NBAS: variants seen among roughly 807,000 people sequenced by gnomAD.
The protein encoded by NBAS is NAG/BC035112 fusion.
In NBAS, 219 loss-of-function variants were observed where a neutral mutation model predicts 302.5. The observed-to-expected ratio is 0.72, with a 90% CI of 0.65 to 0.81. The LOEUF (loss-of-function observed/expected upper bound fraction) is 0.81. Ranked by LOEUF, NBAS falls within the 30% of genes least tolerant of loss-of-function variation. The pLI, the probability that NBAS is intolerant of heterozygous loss-of-function variation, is 0.00. For synonymous variants in NBAS, 1,118 were observed against 1,021.6 expected (o/e 1.09, Z -1.80); for missense variants, 2,932 against 2,841.6 (o/e 1.03, Z -0.72).
the NBAS span, among the ~76,000 whole-genome samples, chr2:15,132,741 T>C: frequency 1.3e-5 from 2 of 151,802 alleles, no homozygotes; most frequent in East Asian, 3.9e-4. Flanking sequence ...CTAAAACTGC[T>C]CTAAAAAAAA....
At chr2:14,849,843 G>A in the NBAS span, among the ~76,000 whole-genome samples, 1 of 137,784 alleles carries the variant, frequency 7.3e-6, no homozygotes, top group South Asian at 2.2e-4. Flanking sequence ...CTTCATAAGT[G>A]AAGGAGAAAT....
At chr2:14,794,403 G>A in the NBAS span, among the ~76,000 whole-genome samples, 1 of 151,984 alleles carries the variant, frequency 6.6e-6, no homozygotes, top group East Asian at 1.9e-4. Flanking sequence ...TTTACTTAAT[G>A]ACCAGTGCAA....
chr2:14,854,344 A>C, the NBAS span, among the ~76,000 whole-genome samples: 1 of 151,956 alleles, frequency 6.6e-6, no homozygotes, highest in African/African-American at 2.4e-5. Flanking sequence ...AAAATAAATG[A>C]ATTTGGAGAG....
At chr2:15,167,379 C>T (rs2125094983) in intron 51 of NBAS, 56 bp from the exon 52 acceptor site, 1 of 1,595,194 alleles carries the variant, frequency 6.3e-7, no homozygotes, top group South Asian at 1.1e-5. Context: ...TTCGCCTCCC[C>T]CTTGGATCCC....
At chr2:15,048,159 C>T in the NBAS span, among the ~76,000 whole-genome samples, 1 of 152,214 alleles carries the variant, frequency 6.6e-6, no homozygotes, top group Non-Finnish European at 1.5e-5. Context: ...AAGAGCAGCC[C>T]TAGAGGCAGG....
chr2:15,085,350 C>G, the NBAS span, among the ~76,000 whole-genome samples: 1 of 152,074 alleles, frequency 6.6e-6, no homozygotes, highest in Admixed American at 6.5e-5. Flanking sequence ...ACAGGGCCAC[C>G]TGGGGCTGCG....
the NBAS span, among the ~76,000 whole-genome samples, chr2:15,091,729 C>T: frequency 6.6e-5 from 10 of 152,126 alleles, no homozygotes; most frequent in African/African-American, 9.6e-5. Flanking sequence ...GATGGGGCTT[C>T]GCCATATTGG....
the NBAS span, among the ~76,000 whole-genome samples, chr2:15,036,336 G>C: frequency 6.6e-6 from 1 of 152,156 alleles, no homozygotes; most frequent in Non-Finnish European, 1.5e-5. Context: ...GTGCTAGAAG[G>C]TGTACTAGAC....
the NBAS span, among the ~76,000 whole-genome samples, chr2:14,888,305 A>G: frequency 6.6e-6 from 1 of 151,932 alleles, no homozygotes; most frequent in East Asian, 1.9e-4. Context: ...TAATTTTTGT[A>G]TTTTTAGTAG....
chr2:14,902,535 AG>A, the NBAS span, among the ~76,000 whole-genome samples: 1 of 152,238 alleles, frequency 6.6e-6, no homozygotes, highest in Non-Finnish European at 1.5e-5. Context: ...CTGTATATGT[AG>A]ACCCATGTGT....
intron 50 of NBAS, among the ~76,000 whole-genome samples, chr2:15,185,878 A>ATATT (rs990993945): frequency 2.0e-5 from 3 of 152,196 alleles, no homozygotes; most frequent in African/African-American, 7.2e-5. Context: ...TTAAAGGATC[A>ATATT]TATTTACAAA....
the NBAS span, among the ~76,000 whole-genome samples, chr2:15,144,067 A>AT: frequency 2.6e-5 from 3 of 115,814 alleles, no homozygotes; most frequent in African/African-American, 1.0e-4. Flanking sequence ...ATATATATAT[A>AT]TCTCCCATTA....
the NBAS span, among the ~76,000 whole-genome samples, chr2:14,897,188 T>C: frequency 1.3e-5 from 2 of 152,192 alleles, no homozygotes; most frequent in Non-Finnish European, 2.9e-5. Flanking sequence ...GGTCTCCTGA[T>C]TCCTGCTTCA....
the NBAS span, among the ~76,000 whole-genome samples, chr2:14,804,430 T>G: frequency 1.3e-5 from 2 of 152,208 alleles, no homozygotes; most frequent in African/African-American, 4.8e-5. Context: ...GCATGAGTTT[T>G]GCTGTTGTCT....
At chr2:15,036,805 T>C in the NBAS span, among the ~76,000 whole-genome samples, 121,992 of 152,054 alleles carry the variant, frequency 0.8, 49,461 homozygotes, top group East Asian at 1. Context: ...AATGCAGACC[T>C]TGACTCTCAG....
At chr2:15,308,155 T>C (rs1671111707) in intron 40 of NBAS, 61 bp downstream of exon 40, 1 of 1,609,408 alleles carries the variant, frequency 6.2e-7, no homozygotes, top group Non-Finnish European at 8.5e-7. Flanking sequence ...ACACGTGTTT[T>C]GAGTATTTTA....
downstream of NBAS, among the ~76,000 whole-genome samples, chr2:15,164,800 G>T (rs889779335): frequency 1.3e-5 from 2 of 152,178 alleles, no homozygotes; most frequent in African/African-American, 2.4e-5. Flanking sequence ...ATTCTTGAGT[G>T]AATTATTTGT....
At chr2:15,339,559 A>G (rs1672753085) in intron 35 of NBAS, among the ~76,000 whole-genome samples, 1 of 152,232 alleles carries the variant, frequency 6.6e-6, no homozygotes. Flanking sequence ...CCGGAAATAC[A>G]AAACTGACCA....
intron 11 of NBAS, among the ~76,000 whole-genome samples, chr2:15,498,929 CTTTTT>C (rs374067971): frequency 3.0e-5 from 4 of 133,492 alleles, no homozygotes; most frequent in Non-Finnish European, 4.8e-5. Flanking sequence ...CAGGGAGTTA[CTTTTT>C]TTTTTTTTTT....
Sources: allele counts gnomAD v4.1 joint callset (sites outside exome capture counted in the v4.1 genomes callset), GRCh38; gene constraint gnomAD v4.1.1; transcripts MANE v1.5; gene names NCBI Gene and HGNC (gene_info 2026-07-23, HGNC 2026-07-21).